CDH4: variants seen among roughly 807,000 people sequenced by gnomAD.
The protein encoded by CDH4 is cadherin 4.
In CDH4, 33 loss-of-function variants were observed where a neutral mutation model predicts 86.0. The ratio of observed to expected loss-of-function variants is 0.38; its 90% CI spans 0.29 to 0.51. CDH4 has a LOEUF of 0.51. Among genes scored for constraint, CDH4 ranks in the 20% least tolerant of loss-of-function variants. The probability of loss-of-function intolerance (pLI) is 0.86; values close to 1 mark genes in which losing one functional copy is unlikely to be tolerated. For missense variants in CDH4, 1,114 were observed against 1,307.4 expected, an observed-to-expected ratio of 0.85 and a Z score of 2.28; for synonymous variants, 555 against 549.4, an observed-to-expected ratio of 1.01 and a Z score of -0.14.
chr20:61,349,571 G>T (rs150488873), intron 2 of CDH4, among the ~76,000 whole-genome samples: 1 of 152,188 alleles, frequency 6.6e-6, no homozygotes, highest in Non-Finnish European at 1.5e-5. Context: ...TGATGTCCCC[G>T]TTGCTGGATG....
intron 8 of CDH4, 32 bp from the exon 9 acceptor site, chr20:61,910,390 G>C: frequency 6.2e-7 from 1 of 1,601,646 alleles, no homozygotes; most frequent in South Asian, 1.1e-5. Context: ...ACTTAACACG[G>C]GTTTGTGACA....
chr20:61,495,098 G>T (rs1568864829), intron 2 of CDH4, among the ~76,000 whole-genome samples: 1 of 152,242 alleles, frequency 6.6e-6, no homozygotes, highest in Non-Finnish European at 1.5e-5. Flanking sequence ...CCAAACAGCT[G>T]TTTTAATAAA....
At chr20:61,573,727 G>A (rs1024304309) in intron 2 of CDH4, among the ~76,000 whole-genome samples, 10 of 152,178 alleles carry the variant, frequency 6.6e-5, no homozygotes, top group African/African-American at 2.4e-4. Flanking sequence ...CAAGAGGAAG[G>A]GGCAACAGCC....
chr20:61,538,120 G>GCTGTATT (rs1171183442), intron 2 of CDH4, among the ~76,000 whole-genome samples: 2 of 152,182 alleles, frequency 1.3e-5, no homozygotes, highest in Non-Finnish European at 2.9e-5. Context: ...GAGAGGCCAA[G>GCTGTATT]TTCAAGTCCA....
chr20:61,346,206 G>A (rs1244839561), intron 2 of CDH4, among the ~76,000 whole-genome samples: 2 of 152,168 alleles, frequency 1.3e-5, no homozygotes, highest in African/African-American at 4.8e-5. Flanking sequence ...AGTGTGTCTG[G>A]AAGAGGGAAC....
chr20:61,611,057 A>T (rs1253634266), intron 2 of CDH4, among the ~76,000 whole-genome samples: 3 of 151,864 alleles, frequency 2.0e-5, no homozygotes, highest in African/African-American at 7.3e-5. Flanking sequence ...TGCAGCTGAG[A>T]CTGGGCCCCC....
intron 2 of CDH4, among the ~76,000 whole-genome samples, chr20:61,457,429 AG>A (rs1311030717): frequency 1.3e-5 from 2 of 152,230 alleles, no homozygotes; most frequent in African/African-American, 2.4e-5. Flanking sequence ...CTCCCAAAGC[AG>A]GTGAAATTTG....
chr20:61,411,953 G>C (rs762715401), intron 2 of CDH4, among the ~76,000 whole-genome samples: 57 of 152,344 alleles, frequency 3.7e-4, no homozygotes, highest in Admixed American at 1.5e-3. Context: ...TCAGCAGGGT[G>C]ACTGTGGGCA....
chr20:61,726,914 T>A lies in CDH4; in HGVS notation c.170-16649T>A, dbSNP rs114559533. ...GCCATCATCATCACTATCAGTGAGA[T>A]CATCATCAACATTGCTGCCATCATC... On this transcript the variant is annotated intron_variant, in intron 2 of 15. Transcript: ENST00000614565. Among the ~76,000 whole-genome samples the A allele has an allele frequency of 3.4e-3, 513 of 150,678 alleles. 2 individuals carry two copies. The highest frequency in any genetic ancestry group is 0.011 in the African/African-American group (463 of 40,872).
At chr20:61,428,873 G>A (rs1211654467) in intron 2 of CDH4, among the ~76,000 whole-genome samples, 1 of 152,202 alleles carries the variant, frequency 6.6e-6, no homozygotes. Context: ...TTCCAGCTAT[G>A]TTCCAGGGAA....
intron 5 of CDH4, among the ~76,000 whole-genome samples, chr20:61,851,355 A>G (rs1428598128): frequency 1.3e-5 from 2 of 152,178 alleles, no homozygotes; most frequent in Non-Finnish European, 2.9e-5. Context: ...GAGCCAAACC[A>G]AAACACTGGT....
chr20:61,596,563 CA>C (rs1247665900), intron 2 of CDH4, among the ~76,000 whole-genome samples: 1 of 152,156 alleles, frequency 6.6e-6, no homozygotes, highest in Non-Finnish European at 1.5e-5. Flanking sequence ...GGTGGAAGAT[CA>C]GGGGCAGTGA....
chr20:61,855,988 G>A (rs950893125), intron 6 of CDH4, among the ~76,000 whole-genome samples: 1 of 152,166 alleles, frequency 6.6e-6, no homozygotes, highest in Non-Finnish European at 1.5e-5. Flanking sequence ...GCCCACCTCG[G>A]TCACCCTTCA....
chr20:61,620,211 CAGGCA>C (rs1555814994), intron 2 of CDH4, among the ~76,000 whole-genome samples: 50 of 68,576 alleles, frequency 7.3e-4, no homozygotes, highest in Non-Finnish European at 9.1e-4. Flanking sequence ...GATGGACAGA[CAGGCA>C]GGCTGGTAGG....
intron 2 of CDH4, among the ~76,000 whole-genome samples, chr20:61,554,787 T>A (rs973478844): frequency 1.3e-5 from 2 of 152,226 alleles, no homozygotes; most frequent in Non-Finnish European, 2.9e-5. Flanking sequence ...TGTGAACATG[T>A]TTTCACACGT....
intron 7 of CDH4, among the ~76,000 whole-genome samples, chr20:61,883,724 G>T (rs776557076): frequency 3.3e-5 from 5 of 152,140 alleles, no homozygotes; most frequent in Non-Finnish European, 7.4e-5. Context: ...GGCCAAGAGA[G>T]GCCCCAGGGA....
chr20:61,512,713 G>GA (rs1276045184), intron 2 of CDH4, among the ~76,000 whole-genome samples: 1 of 152,224 alleles, frequency 6.6e-6, no homozygotes. Flanking sequence ...GGTGCCTGGG[G>GA]ACCTACAGCA....
At chr20:61,683,093 C>T (rs1177418812) in intron 2 of CDH4, among the ~76,000 whole-genome samples, 5 of 152,076 alleles carry the variant, frequency 3.3e-5, no homozygotes, top group Admixed American at 6.5e-5. Context: ...GGCAATGGGA[C>T]TGGCTGCTTA....
At chr20:61,274,456 G>T (rs2084213308) in intron 2 of CDH4, among the ~76,000 whole-genome samples, 1 of 143,432 alleles carries the variant, frequency 7.0e-6, no homozygotes, top group Non-Finnish European at 1.5e-5. Context: ...TGTGCAGTTT[G>T]GGGGAAGACC....
Sources: allele counts gnomAD v4.1 joint callset (sites outside exome capture counted in the v4.1 genomes callset), GRCh38; gene constraint gnomAD v4.1.1; transcripts MANE v1.5; gene names NCBI Gene and HGNC (gene_info 2026-07-23, HGNC 2026-07-21).